Variants in PPM1G observed in about 807,000 individuals in gnomAD.
PPM1G encodes protein phosphatase, Mg2+/Mn2+ dependent 1G, also known as protein phosphatase 1G.
Under a neutral mutation model 59.4 loss-of-function variants are expected in PPM1G, and 12 were observed. That is an observed-to-expected ratio of 0.20 (90% CI 0.13 to 0.33). PPM1G has a LOEUF of 0.33. PPM1G is among the 10% of genes least tolerant of loss of function. PPM1G has a pLI of 1.00. For missense variants in PPM1G, 392 were observed against 681.3 expected (o/e 0.58, Z 4.73); for synonymous variants, 245 against 251.9 (o/e 0.97, Z 0.26).
At position 27,389,622 on chromosome 2, in the gene PPM1G, CAACT is replaced by C. The variant is rs547021539; in HGVS notation, c.121-2468_121-2465del. Among the ~76,000 whole-genome samples, 58 of 152,246 alleles carry C rather than the reference CAACT, an allele frequency of 3.8e-4. 1 individual carries two copies. In the South Asian group the frequency reaches 0.01, roughly 27 times the overall value. ...CTCACCCAACCTTGTATAACCCCACCAACTGATTTATGCCTGAATCAGAACTACT... is the reference window on the plus strand; with the variant it reads ...CTCACCCAACCTTGTATAACCCCACCGATTTATGCCTGAATCAGAACTACT... On this transcript the variant is annotated intron_variant, in intron 1 of 9. Coordinates refer to ENST00000344034, the MANE Select transcript of PPM1G (RefSeq NM_177983.3).
At chr2:27,391,458 G>C (rs930155414) in intron 1 of PPM1G, among the ~76,000 whole-genome samples, 1 of 152,124 alleles carries the variant, frequency 6.6e-6, no homozygotes, top group Non-Finnish European at 1.5e-5. Flanking sequence ...TTTCATGTTT[G>C]TGGGCCACAT....
At position 27,381,802 on chromosome 2, in the gene PPM1G, G is replaced by A. The variant is rs761468712; in HGVS notation, c.1438C>T (p.Leu480=). Residue 480 remains leucine (L), a synonymous_variant, in exon 10 of 10, where the codon CTG becomes TTG. Coordinates refer to ENST00000344034, the MANE Select transcript of PPM1G (RefSeq NM_177983.3). ...RLLSSIVEEL[L]DQCLAPDTSG... Reference sequence around the variant, plus strand: ...GTGTCTGGTGCCAGGCACTGATCCAGCAGCTAAGAAAGGGATGGGGGTAGC... The same window carrying A: ...GTGTCTGGTGCCAGGCACTGATCCAACAGCTAAGAAAGGGATGGGGGTAGC... The A allele has an allele frequency of 2.4e-5, 39 of 1,612,380 alleles. No individual in the cohort carries two copies. The highest frequency in any genetic ancestry group is 3.3e-5 in the Admixed American group (2 of 59,972).
intron 1 of PPM1G, among the ~76,000 whole-genome samples, chr2:27,407,397 G>A (rs1663408376): frequency 6.6e-6 from 1 of 151,844 alleles, no homozygotes; most frequent in Admixed American, 6.6e-5. Context: ...CCAAGTAACT[G>A]GGACTACAGG....
chr2:27,386,031 G>T, intron 3 of PPM1G, 152 bp from the exon 4 acceptor site: 1 of 1,267,454 alleles, frequency 7.9e-7, no homozygotes. Flanking sequence ...GGAATAATAA[G>T]GCAAGTCTAA....
In PPM1G at chr2:27,409,575, A is replaced by G; in HGVS notation, c.-153T>C. The G allele has an allele frequency of 9.9e-7, 1 of 1,010,708 alleles. No individual in the cohort carries two copies. The highest frequency in any genetic ancestry group is 1.3e-6 in the Non-Finnish European group (1 of 764,078). The allele number at this position is 1,010,708 out of a possible 1,614,324, so 62.6% of individuals were successfully genotyped here. A position where few individuals can be genotyped will look rare whatever the true frequency, so the allele number is the denominator to read the frequency against. ...GGCGCGAGGCCGGCCAGGAGGCGGT[A>G]ACGGGACGGGAGCTGTGAGGGAGCG... On this transcript the variant is annotated 5_prime_UTR_variant, in exon 1 of 10. Transcript: ENST00000344034.
intron 1 of PPM1G, among the ~76,000 whole-genome samples, chr2:27,396,499 A>G (rs1643978588): frequency 6.6e-6 from 1 of 151,738 alleles, no homozygotes; most frequent in African/African-American, 2.4e-5. Context: ...AATGTATTAA[A>G]TACTACTCAA....
At chr2:27,388,352 T>C (rs891270084) in intron 1 of PPM1G, among the ~76,000 whole-genome samples, 2 of 151,880 alleles carry the variant, frequency 1.3e-5, no homozygotes, top group East Asian at 2.0e-4. Flanking sequence ...GAAGTTGCAG[T>C]GAGCCAAGAT....
chr2:27,381,795 T>C lies in PPM1G; in HGVS notation c.1445A>G (p.Gln482Arg). The C allele has an allele frequency of 6.2e-7, 1 of 1,612,724 alleles. No homozygotes were observed. The highest frequency in any genetic ancestry group is 8.5e-7 in the Non-Finnish European group (1 of 1,179,950). The change falls in exon 10 of 10, where the codon CAG (glutamine) becomes CGG (arginine). Residue 482 changes from glutamine to arginine, a missense_variant. Physicochemically the swap from Gln to Arg is conservative, Grantham distance 43. Around this residue, in one of 6 missense-constraint regions of PPM1G, gnomAD observed 29 missense variants for 38.9 expected, o/e 0.75. Coordinates refer to ENST00000344034, the MANE Select transcript of PPM1G (RefSeq NM_177983.3). The stretch of plus-strand genomic sequence containing the variant: ...CCCAGAAGTGTCTGGTGCCAGGCAC[T>C]GATCCAGCAGCTAAGAAAGGGATGG... Reference protein sequence around the residue: ...LSSIVEELLDQCLAPDTSGDG... With the variant: ...LSSIVEELLDRCLAPDTSGDG...
Position 27,385,834 on chromosome 2 carries a change from C to A in PPM1G, c.322G>T (p.Glu108Ter). 6.2e-7 allele frequency: 1 copy of A among 1,614,016 alleles called. No individual in the cohort carries two copies. Among genetic ancestry groups the A allele is most frequent in the Non-Finnish European group, 8.5e-7 (1 of 1,179,992 alleles). ...TGTGCCAGCTCTTTAATGACTTCTT[C>A]AGTGGTCAATTTGGCGTCAATAGCC... ...FLAIDAKLTT[E>*]EVIKELAQIA... The change falls in exon 4 of 10, where the codon GAA becomes TAA. Residue 108 changes from glutamate (E) to a stop codon, truncating the protein, a stop_gained. Coordinates refer to ENST00000344034, the MANE Select transcript of PPM1G (RefSeq NM_177983.3). LOFTEE classifies it high-confidence loss of function. This position sits in a 1 kb window ranked among gnomAD's most constrained non-coding sequence, Gnocchi z 4.1.
intron 1 of PPM1G, among the ~76,000 whole-genome samples, chr2:27,403,150 A>C (rs4665975): frequency 1.3e-5 from 2 of 152,006 alleles, no homozygotes; most frequent in Admixed American, 1.3e-4. Context: ...TAAATAATTT[A>C]AAAAATAAAA....
intron 1 of PPM1G, among the ~76,000 whole-genome samples, chr2:27,390,034 CT>C (rs34597229): frequency 2.7e-5 from 4 of 148,950 alleles, no homozygotes; most frequent in Admixed American, 6.7e-5. Flanking sequence ...ATCTTGTTTT[CT>C]TTTTTTTTTG....
intron 1 of PPM1G, among the ~76,000 whole-genome samples, chr2:27,396,154 C>A (rs1045360928): frequency 6.6e-6 from 1 of 152,160 alleles, no homozygotes; most frequent in Non-Finnish European, 1.5e-5. Flanking sequence ...CACCTGTAAT[C>A]CCAGCTACGT....
At position 27,383,663 on chromosome 2, in the gene PPM1G, C is replaced by A. The variant is rs1456496133; in HGVS notation, c.967-63G>T. The A allele has an allele frequency of 4.8e-6, 7 of 1,457,974 alleles. No homozygotes were observed. Among genetic ancestry groups the A allele is most frequent in the Non-Finnish European group, 6.5e-6 (7 of 1,070,102 alleles). 90.3% of individuals were successfully genotyped at this position (1,457,974 alleles called of 1,614,324 possible). A position where few individuals can be genotyped will look rare whatever the true frequency, so the allele number is the denominator to read the frequency against. On this transcript the variant is annotated intron_variant, in intron 6 of 9. Coordinates refer to ENST00000344034, the MANE Select transcript of PPM1G (RefSeq NM_177983.3). The surrounding 1 kb of genome is among the most constrained non-coding windows in gnomAD (Gnocchi z 5.0). ...AACATGCGTTCCTCACTGATGTGCTCCTGATCGTTCACCTATGCTTGCTTT... is the reference window on the plus strand; with the variant it reads ...AACATGCGTTCCTCACTGATGTGCTACTGATCGTTCACCTATGCTTGCTTT...
chr2:27,384,225 G>A lies in PPM1G; in HGVS notation c.826-133C>T. On this transcript the variant is annotated intron_variant, in intron 5 of 9. Transcript: ENST00000344034. The surrounding 1 kb of genome is among the most constrained non-coding windows in gnomAD (Gnocchi z 4.8). ...CTGAAAGATACAAGTATATGGTCATGAAAATTGGGGGGATGGAAAGGGCTA... is the reference window on the plus strand; with the variant it reads ...CTGAAAGATACAAGTATATGGTCATAAAAATTGGGGGGATGGAAAGGGCTA... The A allele has an allele frequency of 7.0e-7, 1 of 1,435,006 alleles. No individual in the cohort carries two copies. The highest frequency in any genetic ancestry group is 9.4e-7 in the Non-Finnish European group (1 of 1,066,300). The allele number at this position is 1,435,006 out of a possible 1,614,324, so 88.9% of individuals were successfully genotyped here.
rs1427082493 is a variant in PPM1G, at chr2:27,385,269, G to C, written c.410-181C>G. 11 of 627,982 alleles carry C rather than the reference G, an allele frequency of 1.8e-5. 1 individual carries two copies. The South Asian group carries it at 2.4e-4, about 14-fold the overall frequency. The allele number at this position is 627,982 out of a possible 1,614,324, so 38.9% of individuals were successfully genotyped here. ...TCCTCCTCCTCCACAGACTTCTTTTGGTTTTTGTGTTTCATCCCCTTCTTA... is the reference window on the plus strand; with the variant it reads ...TCCTCCTCCTCCACAGACTTCTTTTCGTTTTTGTGTTTCATCCCCTTCTTA... On this transcript the variant is annotated intron_variant, in intron 4 of 9. Coordinates refer to ENST00000344034, the MANE Select transcript of PPM1G (RefSeq NM_177983.3). This position sits in a 1 kb window ranked among gnomAD's most constrained non-coding sequence, Gnocchi z 4.1.
chr2:27,396,539 G>C lies in PPM1G; in HGVS notation c.121-9381C>G, dbSNP rs189707486. ...ACATTAAAAAAATTTTTAAGGCCGG[G>C]CGTGGTGGCTCATGCCTGTAATCCC... On this transcript the variant is annotated intron_variant, in intron 1 of 9. Transcript: ENST00000344034. 1.4e-4 allele frequency among the ~76,000 whole-genome samples: 22 copies of C among 151,980 alleles called. 1 individual carries two copies. The highest frequency in any genetic ancestry group is 2.8e-4 in the Non-Finnish European group (19 of 67,994).
chr2:27,407,570 A>G (rs916313525), intron 1 of PPM1G, among the ~76,000 whole-genome samples: 4 of 152,118 alleles, frequency 2.6e-5, no homozygotes, highest in African/African-American at 9.7e-5. Context: ...CCCAGCCTAG[A>G]TATTTCTAAT....
rs186154713 is a variant in PPM1G at position 27,404,815 on chromosome 2, G to T, written c.120+4488C>A. ...AAAAATTAGCCGGGCATGGTGGCAG[G>T]CGCCTGTAATCCCAGCTACTCGGGA... is the stretch of plus-strand genomic sequence containing the variant. On this transcript the variant is annotated intron_variant, in intron 1 of 9. Coordinates refer to ENST00000344034, the MANE Select transcript of PPM1G (RefSeq NM_177983.3). 1.7e-3 allele frequency among the ~76,000 whole-genome samples: 249 copies of T among 150,606 alleles called. 4 individuals carry two copies. Among genetic ancestry groups the T allele is most frequent in the African/African-American group, 5.7e-3 (234 of 41,078 alleles).
chr2:27,407,616 TG>T (rs1170999830), intron 1 of PPM1G, among the ~76,000 whole-genome samples: 1 of 152,170 alleles, frequency 6.6e-6, no homozygotes, highest in African/African-American at 2.4e-5. Flanking sequence ...ATACTGTGTA[TG>T]GTGGTGAAAT....
Sources: allele counts gnomAD v4.1 joint callset (sites outside exome capture counted in the v4.1 genomes callset), GRCh38; gene constraint gnomAD v4.1.1; regional missense constraint gnomAD v4.1.1; non-coding constraint Gnocchi (gnomAD v3.1); transcripts MANE v1.5; gene names NCBI Gene and HGNC (gene_info 2026-07-23, HGNC 2026-07-21).